The following ITGA8 variants were observed in gnomAD, a reference collection of about 807,000 sequenced individuals.
ITGA8 encodes integrin subunit alpha 8.
In ITGA8, 91 loss-of-function variants were observed where a neutral mutation model predicts 142.3. The observed-to-expected ratio is 0.64, with a 90% CI of 0.54 to 0.76. The LOEUF (loss-of-function observed/expected upper bound fraction) is 0.76, where lower values mean the gene tolerates loss of function less well. ITGA8 is among the 30% of genes least tolerant of loss of function. The pLI, the probability that ITGA8 is intolerant of heterozygous loss-of-function variation, is 0.00. For synonymous variants in ITGA8, 505 were observed against 485.2 expected (o/e 1.04, Z -0.54); for missense variants, 1,406 against 1,327.7 (o/e 1.06, Z -0.92).
intron 11 of ITGA8, among the ~76,000 whole-genome samples, chr10:15,647,432 T>C (rs928890818): frequency 6.7e-6 from 1 of 150,254 alleles, no homozygotes; most frequent in Non-Finnish European, 1.5e-5. Flanking sequence ...AATATGACTA[T>C]ACATTTAAAT....
At chr10:15,615,216 G>T (rs1041524312) in intron 14 of ITGA8, among the ~76,000 whole-genome samples, 1 of 152,174 alleles carries the variant, frequency 6.6e-6, no homozygotes, top group African/African-American at 2.4e-5. Context: ...AGCTCTGAGT[G>T]GTGCACTCCA....
At chr10:15,718,679 A>C in intron 2 of ITGA8, 87 bp downstream of exon 2, 1 of 1,524,904 alleles carries the variant, frequency 6.6e-7, no homozygotes, top group Non-Finnish European at 9.0e-7. Flanking sequence ...AACGAGCAGC[A>C]CACCAAGACA....
At chr10:15,673,610 C>G (rs1237792953) in intron 6 of ITGA8, among the ~76,000 whole-genome samples, 1 of 152,156 alleles carries the variant, frequency 6.6e-6, no homozygotes, top group Admixed American at 6.5e-5. Flanking sequence ...TGTATTCAAT[C>G]TAAATCACAT....
At chr10:15,580,126 T>TAAAA (rs35286236) in intron 23 of ITGA8, among the ~76,000 whole-genome samples, 3 of 108,874 alleles carry the variant, frequency 2.8e-5, no homozygotes, top group South Asian at 3.2e-4. Context: ...TCAGAAAATG[T>TAAAA]AAAAAAAAAA....
intron 12 of ITGA8, among the ~76,000 whole-genome samples, chr10:15,645,527 G>A (rs1833964529): frequency 6.6e-6 from 1 of 152,058 alleles, no homozygotes; most frequent in South Asian, 2.1e-4. Context: ...AAATTTCCCT[G>A]GAACCATAAG....
intron 26 of ITGA8, among the ~76,000 whole-genome samples, chr10:15,554,014 C>A (rs1420452695): frequency 1.3e-5 from 2 of 151,908 alleles, no homozygotes; most frequent in Non-Finnish European, 2.9e-5. Flanking sequence ...AAAAAGTTAT[C>A]CATATGATGG....
At chr10:15,573,841 A>C (rs1446987775) in intron 24 of ITGA8, among the ~76,000 whole-genome samples, 1 of 152,094 alleles carries the variant, frequency 6.6e-6, no homozygotes, top group Admixed American at 6.6e-5. Context: ...AACGAATAGG[A>C]ATAACTACTC....
intron 2 of ITGA8, among the ~76,000 whole-genome samples, chr10:15,696,266 A>G (rs1391098169): frequency 1.3e-5 from 2 of 152,224 alleles, no homozygotes; most frequent in Non-Finnish European, 2.9e-5. Flanking sequence ...AGCAAAGGCA[A>G]AAGCTCAGAA....
At chr10:15,525,924 A>G (rs1176564868) in intron 28 of ITGA8, among the ~76,000 whole-genome samples, 1 of 152,154 alleles carries the variant, frequency 6.6e-6, no homozygotes, top group African/African-American at 2.4e-5. Context: ...AGCACATAAC[A>G]ATTGCTAAAT....
intron 8 of ITGA8, 37 bp from the exon 9 acceptor site, chr10:15,660,959 TCA>T (rs769971643): frequency 1.2e-5 from 18 of 1,555,464 alleles, no homozygotes; most frequent in Non-Finnish European, 1.5e-5. Context: ...GGGGAATTAC[TCA>T]CACACACAAA....
chr10:15,692,673 C>A (rs1475369264), intron 2 of ITGA8, among the ~76,000 whole-genome samples: 1 of 152,204 alleles, frequency 6.6e-6, no homozygotes, highest in African/African-American at 2.4e-5. Context: ...GTAGATAACA[C>A]CTCAACACAA....
intron 13 of ITGA8, among the ~76,000 whole-genome samples, chr10:15,635,628 C>G (rs1833760224): frequency 6.6e-6 from 1 of 152,152 alleles, no homozygotes; most frequent in African/African-American, 2.4e-5. Flanking sequence ...TCAATTTGAT[C>G]TACATGCATG....
intron 28 of ITGA8, among the ~76,000 whole-genome samples, chr10:15,524,648 C>G (rs1316830296): frequency 6.6e-6 from 1 of 152,198 alleles, no homozygotes; most frequent in African/African-American, 2.4e-5. Context: ...TCCTGAAACT[C>G]CACGCTCTGT....
intron 27 of ITGA8, among the ~76,000 whole-genome samples, chr10:15,546,728 G>C (rs1006251196): frequency 6.0e-5 from 9 of 150,174 alleles, no homozygotes; most frequent in Non-Finnish European, 1.2e-4. Context: ...AGGAAGGAAG[G>C]AAGATGAAAG....
intron 2 of ITGA8, among the ~76,000 whole-genome samples, chr10:15,702,975 T>C (rs571853413): frequency 6.6e-6 from 1 of 152,362 alleles, no homozygotes; most frequent in Admixed American, 6.5e-5. Context: ...AAGAAGCTTG[T>C]AGACTATTCC....
intron 2 of ITGA8, among the ~76,000 whole-genome samples, chr10:15,701,821 T>C (rs576679940): frequency 5.9e-5 from 9 of 152,236 alleles, no homozygotes; most frequent in Non-Finnish European, 1.3e-4. Context: ...GCAGGAGCTA[T>C]CCAGACCTTT....
intron 13 of ITGA8, among the ~76,000 whole-genome samples, chr10:15,624,319 G>GA (rs1264718891): frequency 2.2e-4 from 34 of 152,304 alleles, no homozygotes; most frequent in African/African-American, 7.7e-4. Context: ...GCTTCTAAAT[G>GA]ACATTGAACA....
chr10:15,579,887 C>T (rs1216820291), intron 23 of ITGA8, among the ~76,000 whole-genome samples: 1 of 151,554 alleles, frequency 6.6e-6, no homozygotes, highest in Non-Finnish European at 1.5e-5. Flanking sequence ...AAATTTATAG[C>T]ACTAAATGCT....
chr10:15,572,983 G>A (rs1341874273), intron 24 of ITGA8, among the ~76,000 whole-genome samples: 2 of 152,126 alleles, frequency 1.3e-5, no homozygotes, highest in African/African-American at 4.8e-5. Flanking sequence ...TCCTATACTT[G>A]GAGGACACAA....
Sources: allele counts gnomAD v4.1 joint callset (sites outside exome capture counted in the v4.1 genomes callset), GRCh38; gene constraint gnomAD v4.1.1; transcripts MANE v1.5; gene names NCBI Gene and HGNC (gene_info 2026-07-23, HGNC 2026-07-21).